Variants in EIF2AK3 observed in about 807,000 individuals in gnomAD.
The protein encoded by EIF2AK3 is eukaryotic translation initiation factor 2 alpha kinase 3.
EIF2AK3 carries 50 observed loss-of-function variants against 113.5 expected under a neutral mutation model. The observed-to-expected ratio is 0.44, with a 90% CI of 0.35 to 0.56. The LOEUF (loss-of-function observed/expected upper bound fraction) is 0.56. Among genes scored for constraint, EIF2AK3 ranks in the 20% least tolerant of loss-of-function variants. EIF2AK3 has a pLI of 0.00. For missense variants in EIF2AK3, 1,185 were observed against 1,378.0 expected (o/e 0.86, Z 2.22); for synonymous variants, 448 against 495.4 (o/e 0.90, Z 1.27).
chr2:88,613,957 G>A (rs1367301992), intron 1 of EIF2AK3, 104 bp from the exon 2 acceptor site: 16 of 1,077,740 alleles, frequency 1.5e-5, no homozygotes, highest in East Asian at 1.3e-4. Flanking sequence ...GCCTCTATTC[G>A]TAGAAAGGAA....
In EIF2AK3 at chr2:88,575,020, CTCT is replaced by C. The variant is rs767541817; in HGVS notation, c.2460_2462del (p.Glu821del). Reference sequence around the variant, plus strand: ...CAATATGCAATCGATTAGTTTTCGGCTCTTCTTTACTGGAAGCATTATCACAGC... The same window carrying C: ...CAATATGCAATCGATTAGTTTTCGGCTCTTTACTGGAAGCATTATCACAGC... On this transcript the variant is annotated inframe_deletion, in exon 13 of 17. Transcript: ENST00000303236. 19 of 1,614,188 alleles carry C rather than the reference CTCT, an allele frequency of 1.2e-5. No individual in the cohort carries two copies. The Admixed American group carries it at 2.8e-4, about 24-fold the overall frequency.
intron 2 of EIF2AK3, among the ~76,000 whole-genome samples, chr2:88,601,666 CTA>C (rs1675150919): frequency 6.6e-6 from 1 of 152,086 alleles, no homozygotes; most frequent in Non-Finnish European, 1.5e-5. Context: ...AATGATGTTA[CTA>C]TCAATCACTT....
At chr2:88,619,431 G>C (rs1239450054) in intron 1 of EIF2AK3, among the ~76,000 whole-genome samples, 2 of 152,110 alleles carry the variant, frequency 1.3e-5, no homozygotes, top group Non-Finnish European at 2.9e-5. Flanking sequence ...AGGATTTATA[G>C]TTCACCATCT....
rs777932006 is a variant in EIF2AK3, at chr2:88,575,307, T to C, written c.2176A>G (p.Ile726Val). ...PQRSRSFSVG[I>V]SCDQTSSSES... ...GATGAACTTGTCTGGTCACAGGAAA[T>C]CCCTACTGAAAAAGACCTGCTTCTT... Residue 726 changes from isoleucine to valine, a missense_variant, in exon 13 of 17, where the codon ATT becomes GTT. Coordinates refer to ENST00000303236, the MANE Select transcript of EIF2AK3 (RefSeq NM_004836.7). 3.7e-6 allele frequency: 6 copies of C among 1,614,040 alleles called. 1 individual carries two copies. The Admixed American group carries it at 6.7e-5, about 18-fold the overall frequency.
At chr2:88,619,923 T>C (rs1193566102) in intron 1 of EIF2AK3, among the ~76,000 whole-genome samples, 4 of 136,568 alleles carry the variant, frequency 2.9e-5, no homozygotes, top group Non-Finnish European at 6.0e-5. Context: ...ACCACTGCAC[T>C]CCAGCCTGCA....
chr2:88,584,295 T>C (rs1474081071), intron 9 of EIF2AK3, among the ~76,000 whole-genome samples: 1 of 151,974 alleles, frequency 6.6e-6, no homozygotes, highest in Non-Finnish European at 1.5e-5. Context: ...GGTGGGCAGA[T>C]CACTTGAGGC....
chr2:88,587,906 T>G (rs754863644), intron 8 of EIF2AK3, 76 bp downstream of exon 8: 1 of 1,035,040 alleles, frequency 9.7e-7, no homozygotes, highest in African/African-American at 1.6e-5. Context: ...TATACTCTAA[T>G]CGACTTTTCT....
At chr2:88,625,893 G>A (rs1018717489) in intron 1 of EIF2AK3, among the ~76,000 whole-genome samples, 3 of 151,930 alleles carry the variant, frequency 2.0e-5, no homozygotes, top group African/African-American at 4.8e-5. Context: ...GAGAATTTTA[G>A]TACTTATCCT....
Position 88,627,010 on chromosome 2 carries a change from C to G in EIF2AK3, c.265G>C (p.Gly89Arg), listed in dbSNP as rs767999139. 1 of 1,608,170 alleles carries G rather than the reference C, an allele frequency of 6.2e-7. No homozygotes were observed. The highest frequency in any genetic ancestry group is 8.5e-7 in the Non-Finnish European group (1 of 1,178,940). ...TCTGTCTCATCGTCTGGTTCCGGAC[C>G]CCGAGGCTCCTGCTCTCCCGCGGCT... ...PAAAGEQEPR[G>R]PEPDDETELR... The change falls in exon 1 of 17, where the codon GGT becomes CGT. Residue 89 changes from glycine to arginine, a missense_variant. Around this residue, in one of 3 missense-constraint regions of EIF2AK3, gnomAD observed 189 missense variants for 175.2 expected, o/e 1.08. Transcript: ENST00000303236.
rs897761499 is a variant in EIF2AK3, at chr2:88,598,307, A to G, written c.439-2644T>C. ...ACTGAGGTGGAAACTTTGATGAAGA[A>G]CAGAATATCTACATGTTCTAGGGTG... On this transcript the variant is annotated intron_variant, in intron 2 of 16. Transcript: ENST00000303236. Among the ~76,000 whole-genome samples, 5 of 152,218 alleles carry G rather than the reference A, an allele frequency of 3.3e-5. No individual in the cohort carries two copies. In the East Asian group the frequency reaches 9.6e-4, roughly 29 times the overall value.
At position 88,587,994 on chromosome 2, in the gene EIF2AK3, G is replaced by C; in HGVS notation, c.1417C>G (p.Gln473Glu). ...TATTTTCACTTACCATATGGATACT[G>C]CAAGATTGAAAGTGCACCATTACTA... ...EYSNGALSIL[Q>E]YPYDNGYYLP... Residue 473 changes from glutamine (Q) to glutamate (E), a missense_variant, in exon 8 of 17, where the codon CAG becomes GAG. By Grantham distance (29) the Gln-to-Glu change is conservative. Coordinates refer to ENST00000303236, the MANE Select transcript of EIF2AK3 (RefSeq NM_004836.7). 1 of 1,578,176 alleles carries C rather than the reference G, an allele frequency of 6.3e-7. No individual in the cohort carries two copies. The highest frequency in any genetic ancestry group is 8.7e-7 in the Non-Finnish European group (1 of 1,155,694).
At chr2:88,626,209 G>A (rs1291401467) in intron 1 of EIF2AK3, among the ~76,000 whole-genome samples, 1 of 152,190 alleles carries the variant, frequency 6.6e-6, no homozygotes, top group Non-Finnish European at 1.5e-5. Flanking sequence ...TTTGAATGCT[G>A]AGAAACTCAA....
chr2:88,627,714 G>C (rs1395829302), upstream of EIF2AK3: 1 of 162,374 alleles, frequency 6.2e-6, no homozygotes, highest in Non-Finnish European at 1.3e-5. Flanking sequence ...ATCAGTTCCC[G>C]GAATACCTTT....
intron 1 of EIF2AK3, among the ~76,000 whole-genome samples, chr2:88,626,704 T>C (rs1323368805): frequency 6.6e-6 from 1 of 152,228 alleles, no homozygotes; most frequent in African/African-American, 2.4e-5. Flanking sequence ...TTTGCAACCC[T>C]GGAATTCCAT....
rs563910895 is a variant in EIF2AK3 at position 88,562,147 on chromosome 2, C to G, written c.3087+142G>C. ...GAAGCAAATAGTCTAGAACTCCTCT[C>G]TGTGTTACTCACATCACCTCTTTCA... On this transcript the variant is annotated intron_variant, in intron 15 of 16. Transcript: ENST00000303236. The G allele has an allele frequency of 9.7e-5, 66 of 683,790 alleles. 1 individual carries two copies. In the African/African-American group the frequency reaches 1.1e-3, roughly 11 times the overall value. 42.4% of individuals were successfully genotyped at this position (683,790 alleles called of 1,614,324 possible). A position where few individuals can be genotyped will look rare whatever the true frequency, so the allele number is the denominator to read the frequency against.
At chr2:88,597,321 A>G (rs910833337) in intron 2 of EIF2AK3, among the ~76,000 whole-genome samples, 1 of 152,178 alleles carries the variant, frequency 6.6e-6, no homozygotes, top group Non-Finnish European at 1.5e-5. Context: ...GCCTCTTTAC[A>G]GTTCTTAACT....
At position 88,587,986 on chromosome 2, in the gene EIF2AK3, T is replaced by G; in HGVS notation, c.1425A>C (p.Pro475=). Residue 475 remains proline, a synonymous_variant, in exon 8 of 17, where the codon CCA becomes CCC. Coordinates refer to ENST00000303236, the MANE Select transcript of EIF2AK3 (RefSeq NM_004836.7). The stretch of plus-strand genomic sequence containing the variant: ...AAACTCAGTATTTTCACTTACCATA[T>G]GGATACTGCAAGATTGAAAGTGCAC... ...SNGALSILQY[P]YDNGYYLPYY... 1 of 1,570,298 alleles carries G rather than the reference T, an allele frequency of 6.4e-7. No homozygotes were observed. Among genetic ancestry groups the G allele is most frequent in the Non-Finnish European group, 8.7e-7 (1 of 1,149,440 alleles).
intron 2 of EIF2AK3, among the ~76,000 whole-genome samples, chr2:88,602,759 C>T (rs1675186211): frequency 6.6e-6 from 1 of 151,658 alleles, no homozygotes; most frequent in African/African-American, 2.4e-5. Context: ...AATGAGATCA[C>T]ATGGACACAG....
intron 13 of EIF2AK3, among the ~76,000 whole-genome samples, chr2:88,572,023 T>A (rs886792065): frequency 6.6e-6 from 1 of 152,184 alleles, no homozygotes; most frequent in African/African-American, 2.4e-5. Context: ...AGGAAGCCAT[T>A]TAGCTCATGA....
Sources: allele counts gnomAD v4.1 joint callset (sites outside exome capture counted in the v4.1 genomes callset), GRCh38; gene constraint gnomAD v4.1.1; regional missense constraint gnomAD v4.1.1; transcripts MANE v1.5; gene names NCBI Gene and HGNC (gene_info 2026-07-23, HGNC 2026-07-21).